TRAPPC10: variants seen among roughly 807,000 people sequenced by gnomAD.
TRAPPC10 encodes trafficking protein particle complex subunit 10.
TRAPPC10 carries 23 observed loss-of-function variants against 125.5 expected under a neutral mutation model. That is an observed-to-expected ratio of 0.18 (90% confidence interval 0.13 to 0.26). The LOEUF is 0.26. Among genes scored for constraint, TRAPPC10 ranks in the 10% least tolerant of loss-of-function variants. The pLI is 1.00. For missense variants in TRAPPC10, 1,123 were observed against 1,308.4 expected (o/e 0.86, Z 2.19); for synonymous variants, 509 against 518.0 (o/e 0.98, Z 0.24).
intron 1 of TRAPPC10, among the ~76,000 whole-genome samples, chr21:44,027,418 G>A (rs2033173394): frequency 6.6e-6 from 1 of 152,180 alleles, no homozygotes; most frequent in Admixed American, 6.5e-5. Context: ...CTCTGTCTGC[G>A]GAAGGCCTTT....
intron 7 of TRAPPC10, among the ~76,000 whole-genome samples, chr21:44,064,303 A>G (rs1040121260): frequency 1.3e-4 from 19 of 148,314 alleles, no homozygotes; most frequent in South Asian, 4.3e-4. Flanking sequence ...TGTCATAAAT[A>G]TGTGTGTGTG....
chr21:44,079,975 A>T, intron 12 of TRAPPC10, 40 bp from the exon 13 acceptor site: 17 of 1,567,092 alleles, frequency 1.1e-5, no homozygotes, highest in Non-Finnish European at 1.5e-5. Context: ...CCGCACTCCT[A>T]AGTATGAGCC....
At chr21:44,091,543 A>G (rs2038579734) in intron 18 of TRAPPC10, among the ~76,000 whole-genome samples, 1 of 152,138 alleles carries the variant, frequency 6.6e-6, no homozygotes, top group Non-Finnish European at 1.5e-5. Context: ...AGGTTCAAGC[A>G]ATGCTCGTGC....
chr21:44,072,340 G>A (rs956658355), intron 7 of TRAPPC10, among the ~76,000 whole-genome samples: 14 of 152,160 alleles, frequency 9.2e-5, no homozygotes, highest in Non-Finnish European at 1.9e-4. Context: ...TGCATCCAGC[G>A]TCCTCTGCCG....
chr21:44,060,571 C>G (rs148200329), intron 6 of TRAPPC10, among the ~76,000 whole-genome samples: 1 of 151,704 alleles, frequency 6.6e-6, no homozygotes, highest in Non-Finnish European at 1.5e-5. Flanking sequence ...CCACCATGCC[C>G]GGCCTTATGT....
At chr21:44,085,624 C>T (rs2038073702) in intron 15 of TRAPPC10, among the ~76,000 whole-genome samples, 3 of 152,040 alleles carry the variant, frequency 2.0e-5, no homozygotes, top group African/African-American at 7.3e-5. Flanking sequence ...CCTCAGCCTC[C>T]TGAGCCCAGG....
At chr21:44,049,866 TTTTC>T (rs1050169255) in intron 3 of TRAPPC10, among the ~76,000 whole-genome samples, 5 of 141,018 alleles carry the variant, frequency 3.5e-5, no homozygotes, top group Non-Finnish European at 5.9e-5. Context: ...AGTGACTTTG[TTTTC>T]TTTCTTTCTT....
At chr21:44,040,894 G>A (rs1006664474) in intron 3 of TRAPPC10, among the ~76,000 whole-genome samples, 3 of 151,948 alleles carry the variant, frequency 2.0e-5, no homozygotes, top group African/African-American at 7.3e-5. Context: ...GGGACTACAG[G>A]TGTGAGCCAC....
In TRAPPC10 at chr21:44,087,985, G is replaced by T. The variant is rs1290215800; in HGVS notation, c.2769+57G>T. 6 of 1,460,478 alleles carry T rather than the reference G, an allele frequency of 4.1e-6. No homozygotes were observed. Among genetic ancestry groups the T allele is most frequent in the Non-Finnish European group, 5.6e-6 (6 of 1,063,478 alleles). The allele number at this position is 1,460,478 out of a possible 1,614,324, so 90.5% of individuals were successfully genotyped here. A position where few individuals can be genotyped will look rare whatever the true frequency, so the allele number is the denominator to read the frequency against. On this transcript the variant is annotated intron_variant, in intron 17 of 22. Coordinates refer to ENST00000291574, the MANE Select transcript of TRAPPC10 (RefSeq NM_003274.5). The surrounding 1 kb of genome is among the most constrained non-coding windows in gnomAD (Gnocchi z 4.6). ...TGGGGCGTCCGCCGCCCGCCTGCCT[G>T]CTGGGAAAGGCGATGTAGCGATGCC...
intron 5 of TRAPPC10, among the ~76,000 whole-genome samples, chr21:44,057,303 C>G (rs1019570848): frequency 4.0e-5 from 6 of 151,618 alleles, no homozygotes; most frequent in African/African-American, 1.5e-4. Context: ...CTCTCTCTCT[C>G]TCTTTTTTTT....
intron 7 of TRAPPC10, among the ~76,000 whole-genome samples, chr21:44,069,954 C>A (rs919143560): frequency 6.6e-6 from 1 of 151,406 alleles, no homozygotes; most frequent in African/African-American, 2.4e-5. Context: ...AGTGCAGTGG[C>A]GTGATCTTGG....
Position 44,083,222 on chromosome 21 carries a change from C to T in TRAPPC10, c.2158C>T (p.Leu720=), listed in dbSNP as rs370140719. The T allele has an allele frequency of 7.4e-6, 12 of 1,614,026 alleles. No homozygotes were observed. Among genetic ancestry groups the T allele is most frequent in the Non-Finnish European group, 9.3e-6 (11 of 1,180,022 alleles). Residue 720 remains leucine (L), a synonymous_variant, in exon 14 of 23, where the codon CTG becomes TTG. Coordinates refer to ENST00000291574, the MANE Select transcript of TRAPPC10 (RefSeq NM_003274.5). The part of the protein sequence containing the change: ...SSLEMPSGVA[L]EEGAHVLRCS... ...TCTAGAGATGCCCTCAGGGGTGGCT[C>T]TGGAGGAGGGTGCCCACGTGCTGAG... is the stretch of plus-strand genomic sequence containing the variant.
chr21:44,091,389 T>G (rs1437178219), intron 18 of TRAPPC10, among the ~76,000 whole-genome samples: 1 of 152,168 alleles, frequency 6.6e-6, no homozygotes, highest in Non-Finnish European at 1.5e-5. Context: ...ACTATATTCT[T>G]TCTTCCATTG....
chr21:44,027,596 C>T (rs1010727831), intron 1 of TRAPPC10, among the ~76,000 whole-genome samples: 17 of 152,094 alleles, frequency 1.1e-4, no homozygotes, highest in African/African-American at 3.6e-4. Context: ...GATGTTGGGC[C>T]AATTAGGGGA....
rs2031198674 is a variant in TRAPPC10 at position 44,012,406 on chromosome 21, C to T, written c.-88C>T. 1 of 827,964 alleles carries T rather than the reference C, an allele frequency of 1.2e-6. No homozygotes were observed. The highest frequency in any genetic ancestry group is 1.5e-6 in the Non-Finnish European group (1 of 678,686). 51.3% of individuals were successfully genotyped at this position (827,964 alleles called of 1,614,324 possible). On this transcript the variant is annotated 5_prime_UTR_variant, in exon 1 of 23. Transcript: ENST00000291574. ...CCTGGCGCGGCCGGGCGGGCGGCGC[C>T]GCTCAGGCTCGGGCTCCGGCTGGGC...
chr21:44,060,916 A>ACATACG (rs138530424), intron 6 of TRAPPC10, among the ~76,000 whole-genome samples: 1 of 46,572 alleles, frequency 2.1e-5, no homozygotes, highest in Admixed American at 2.0e-4. Flanking sequence ...ATACATACAT[A>ACATACG]CACACACACA....
intron 6 of TRAPPC10, among the ~76,000 whole-genome samples, chr21:44,060,979 C>T (rs968170934): frequency 1.4e-4 from 21 of 150,960 alleles, no homozygotes; most frequent in African/African-American, 5.1e-4. Flanking sequence ...TGCTTTGTTG[C>T]CAGGCTGGAG....
intron 5 of TRAPPC10, among the ~76,000 whole-genome samples, chr21:44,056,947 AT>A (rs35545264): frequency 0.35 from 52,304 of 149,962 alleles, 12,441 homozygotes; most frequent in African/African-American, 0.68. Context: ...AAACTAGATA[AT>A]TTTTTTTTTT....
intron 10 of TRAPPC10, among the ~76,000 whole-genome samples, chr21:44,077,211 C>T (rs995971288): frequency 6.6e-6 from 1 of 152,154 alleles, no homozygotes; most frequent in Admixed American, 6.5e-5. Context: ...ATAATTTATA[C>T]ACAGGTTACC....
Sources: gnomAD v4.1 joint callset for allele counts (sites outside exome capture counted in the v4.1 genomes callset) on GRCh38, gnomAD v4.1.1 for gene constraint, Gnocchi (gnomAD v3.1) non-coding constraint, MANE v1.5 for transcripts, NCBI Gene and HGNC (gene_info 2026-07-23, HGNC 2026-07-21) for gene names.